The following PLEKHB2 variants were observed in gnomAD, a reference collection of about 807,000 sequenced individuals.
PLEKHB2 encodes the protein pleckstrin homology domain-containing family B member 2.
PLEKHB2 carries 31 observed loss-of-function variants against 36.5 expected under a neutral mutation model. That is an observed-to-expected ratio of 0.85 (90% CI 0.64 to 1.15). The LOEUF is 1.15. PLEKHB2 is among the 50% of genes most tolerant of loss of function. The pLI, the probability that PLEKHB2 is intolerant of heterozygous loss-of-function variation, is 0.00. For missense variants in PLEKHB2, 262 were observed against 295.3 expected (o/e 0.89, Z 0.83); for synonymous variants, 119 against 112.0 (o/e 1.06, Z -0.39).
At chr2:131,109,545 C>T (rs1435544596) in intron 1 of PLEKHB2, among the ~76,000 whole-genome samples, 3 of 151,938 alleles carry the variant, frequency 2.0e-5, no homozygotes, top group Admixed American at 2.0e-4. Flanking sequence ...CAAAAATCAG[C>T]TGTGCGTGGT....
chr2:131,139,334 G>A (rs755016550), intron 6 of PLEKHB2, among the ~76,000 whole-genome samples: 10 of 152,122 alleles, frequency 6.6e-5, no homozygotes, highest in Non-Finnish European at 1.5e-4. Flanking sequence ...ACCAGAGATT[G>A]TAGCTGTACT....
At chr2:131,143,323 A>T (rs967808269) in intron 7 of PLEKHB2, among the ~76,000 whole-genome samples, 1 of 152,220 alleles carries the variant, frequency 6.6e-6, no homozygotes, top group Non-Finnish European at 1.5e-5. Flanking sequence ...ATATGATTTA[A>T]AAATGTAAAC....
intron 4 of PLEKHB2, among the ~76,000 whole-genome samples, chr2:131,128,062 G>T (rs1573580949): frequency 6.6e-6 from 1 of 152,186 alleles, no homozygotes; most frequent in Non-Finnish European, 1.5e-5. Context: ...GACTTACTCG[G>T]TCTCAGAAGA....
intron 5 of PLEKHB2, 131 bp downstream of exon 5, chr2:131,130,891 C>T: frequency 1.5e-6 from 1 of 657,708 alleles, no homozygotes; most frequent in Non-Finnish European, 2.7e-6. Flanking sequence ...AGTAGTCCTC[C>T]CACCTCAGCC....
Position 131,146,803 on chromosome 2 carries a change from C to T in PLEKHB2, c.*30C>T, listed in dbSNP as rs563055967. Reference sequence around the variant, plus strand: ...CTCAAGGTCTTGATGTGCATAGCTTCTGATAACCCTGTGTGCAATAATATG... The same window carrying T: ...CTCAAGGTCTTGATGTGCATAGCTTTTGATAACCCTGTGTGCAATAATATG... On this transcript the variant is annotated 3_prime_UTR_variant, in exon 8 of 8. Transcript: ENST00000693505. 1.4e-5 allele frequency: 21 copies of T among 1,538,766 alleles called. No homozygotes were observed. The East Asian group carries it at 4.6e-4, about 34-fold the overall frequency.
In PLEKHB2 at chr2:131,149,651, T is replaced by G. The variant is rs1699541253; in HGVS notation, c.*2878T>G. 1 of 152,246 alleles carries G rather than the reference T, an allele frequency of 6.6e-6. No homozygotes were observed. The highest frequency in any genetic ancestry group is 2.1e-4 in the South Asian group (1 of 4,832). The allele number at this position is 152,246 out of a possible 1,614,324, so 9.4% of individuals were successfully genotyped here. On this transcript the variant is annotated 3_prime_UTR_variant, in exon 8 of 8. Transcript: ENST00000693505. ...GTTTTGATCCTGTGTAATATTTCTT[T>G]TTCCTTCCCTAGTGTATGTAGATAC...
chr2:131,131,765 T>G (rs1289732704), intron 5 of PLEKHB2, among the ~76,000 whole-genome samples: 2 of 152,012 alleles, frequency 1.3e-5, no homozygotes, highest in Non-Finnish European at 2.9e-5. Context: ...CCCCTTTTTT[T>G]TTTTTTTTTT....
intron 1 of PLEKHB2, among the ~76,000 whole-genome samples, chr2:131,110,945 G>A (rs1695249573): frequency 6.6e-6 from 1 of 151,922 alleles, no homozygotes; most frequent in African/African-American, 2.4e-5. Flanking sequence ...GCAGGAAATG[G>A]TTTTATAGTA....
At chr2:131,119,346 A>G (rs1433323345) in intron 1 of PLEKHB2, among the ~76,000 whole-genome samples, 9 of 152,134 alleles carry the variant, frequency 5.9e-5, no homozygotes, top group Non-Finnish European at 1.5e-5. Flanking sequence ...TGTGACACAC[A>G]CAGAATCGCC....
chr2:131,108,463 G>C (rs1424162365), intron 1 of PLEKHB2, among the ~76,000 whole-genome samples: 1 of 152,260 alleles, frequency 6.6e-6, no homozygotes, highest in East Asian at 1.9e-4. Flanking sequence ...GTGAAATTCA[G>C]CATGCTAAGG....
At chr2:131,124,781 G>A (rs1318760431) in intron 2 of PLEKHB2, among the ~76,000 whole-genome samples, 4 of 151,786 alleles carry the variant, frequency 2.6e-5, no homozygotes, top group Admixed American at 6.6e-5. Context: ...GAAAAAAAAC[G>A]TGTTTTTTCT....
intron 1 of PLEKHB2, among the ~76,000 whole-genome samples, chr2:131,119,544 T>TTA (rs962199103): frequency 3.9e-5 from 6 of 152,156 alleles, no homozygotes; most frequent in Admixed American, 6.5e-5. Flanking sequence ...CCGCGAGTGT[T>TTA]TATATATATA....
intron 6 of PLEKHB2, among the ~76,000 whole-genome samples, chr2:131,137,657 T>C (rs11895872): frequency 0.23 from 34,514 of 152,144 alleles, 5,765 homozygotes; most frequent in African/African-American, 0.47. Context: ...CTCTTTTTGA[T>C]AGTTTACTAA....
At chr2:131,131,788 C>G (rs1697723712) in intron 5 of PLEKHB2, among the ~76,000 whole-genome samples, 1 of 142,230 alleles carries the variant, frequency 7.0e-6, no homozygotes, top group South Asian at 2.2e-4. Context: ...GTAAAATTAG[C>G]ATTAACAATC....
intron 4 of PLEKHB2, among the ~76,000 whole-genome samples, chr2:131,128,936 C>T (rs1697370313): frequency 6.7e-6 from 1 of 150,166 alleles, no homozygotes; most frequent in African/African-American, 2.4e-5. Context: ...TATGAATAAT[C>T]CAGTATGATA....
intron 6 of PLEKHB2, among the ~76,000 whole-genome samples, chr2:131,138,360 A>G (rs1333307960): frequency 6.6e-6 from 1 of 152,048 alleles, no homozygotes; most frequent in East Asian, 1.9e-4. Context: ...CTGCTTTAAA[A>G]ATCTTTGTCA....
chr2:131,120,828 G>A (rs746658651), intron 1 of PLEKHB2, 106 bp from the exon 2 acceptor site: 3 of 1,137,868 alleles, frequency 2.6e-6, no homozygotes, highest in Non-Finnish European at 4.0e-6. Context: ...AATGGCCTTG[G>A]GCCCTTCCTC....
At chr2:131,139,658 G>A (rs1698588244) in intron 6 of PLEKHB2, among the ~76,000 whole-genome samples, 1 of 152,164 alleles carries the variant, frequency 6.6e-6, no homozygotes, top group Non-Finnish European at 1.5e-5. Flanking sequence ...GGTGTGTGCA[G>A]CCAGAACACC....
intron 1 of PLEKHB2, among the ~76,000 whole-genome samples, chr2:131,109,917 A>G (rs1263283866): frequency 2.0e-5 from 3 of 152,150 alleles, no homozygotes; most frequent in South Asian, 4.1e-4. Flanking sequence ...GATCGAGACC[A>G]TCCTGGCTGA....
Sources: gnomAD v4.1 joint callset for allele counts (sites outside exome capture counted in the v4.1 genomes callset) on GRCh38, gnomAD v4.1.1 for gene constraint, MANE v1.5 for transcripts, NCBI Gene and HGNC (gene_info 2026-07-23, HGNC 2026-07-21) for gene names.